The following MARCHF1 variants were observed in gnomAD, a reference collection of about 807,000 sequenced individuals.
The protein encoded by MARCHF1 is membrane associated ring-CH-type finger 1.
In MARCHF1, 40 loss-of-function variants were observed where a neutral mutation model predicts 54.2. That is an observed-to-expected ratio of 0.74 (90% CI 0.57 to 0.96). The LOEUF is 0.96. Ranked by LOEUF, MARCHF1 falls within the 40% of genes least tolerant of loss-of-function variation. MARCHF1 has a pLI of 0.00. For synonymous variants in MARCHF1, 236 were observed against 236.3 expected (o/e 1.00, Z 0.01); for missense variants, 586 against 656.5 (o/e 0.89, Z 1.17).
At chr4:164,096,878 G>A (rs373024883) in intron 2 of MARCHF1, among the ~76,000 whole-genome samples, 1 of 152,078 alleles carries the variant, frequency 6.6e-6, no homozygotes, top group African/African-American at 2.4e-5. Flanking sequence ...AGTGACTGAT[G>A]CTCAGAAGCT....
At chr4:163,723,202 C>G (rs1238194190) in intron 4 of MARCHF1, among the ~76,000 whole-genome samples, 55 of 152,220 alleles carry the variant, frequency 3.6e-4, no homozygotes, top group Non-Finnish European at 1.5e-5. Context: ...TTCAGGAGCT[C>G]TTTTAGGGCA....
At chr4:163,974,667 A>G (rs986241064) in intron 3 of MARCHF1, among the ~76,000 whole-genome samples, 4 of 152,220 alleles carry the variant, frequency 2.6e-5, no homozygotes, top group Admixed American at 6.5e-5. Context: ...TAATAGATAT[A>G]TGGTACCTGA....
chr4:164,199,861 G>A (rs893375531), intron 1 of MARCHF1, among the ~76,000 whole-genome samples: 1 of 152,108 alleles, frequency 6.6e-6, no homozygotes, highest in Non-Finnish European at 1.5e-5. Context: ...CTGTGCCCTT[G>A]AACCTGCATA....
chr4:163,630,864 TGA>T (rs1742051347), intron 5 of MARCHF1, among the ~76,000 whole-genome samples: 1 of 150,506 alleles, frequency 6.6e-6, no homozygotes, highest in Non-Finnish European at 1.5e-5. Flanking sequence ...AGAAAAAAGC[TGA>T]GAGAATGCCA....
intron 2 of MARCHF1, among the ~76,000 whole-genome samples, chr4:164,083,288 G>GT (rs1373946042): frequency 1.1e-4 from 16 of 144,694 alleles, no homozygotes; most frequent in Admixed American, 2.7e-4. Context: ...GTTACTGAAA[G>GT]GTTTTTTTTT....
intron 1 of MARCHF1, among the ~76,000 whole-genome samples, chr4:164,252,310 T>C (rs1156362415): frequency 6.6e-6 from 1 of 151,898 alleles, no homozygotes; most frequent in Non-Finnish European, 1.5e-5. Context: ...TGTAACTATA[T>C]GTCTCTCTCC....
intron 2 of MARCHF1, among the ~76,000 whole-genome samples, chr4:164,058,877 T>C (rs1031859394): frequency 2.6e-5 from 4 of 152,252 alleles, no homozygotes; most frequent in Non-Finnish European, 5.9e-5. Context: ...CCTGTTGAAC[T>C]TCTTTGTTCC....
At chr4:163,733,247 GTA>G (rs1158466490) in intron 4 of MARCHF1, among the ~76,000 whole-genome samples, 12 of 17,312 alleles carry the variant, frequency 6.9e-4, no homozygotes, top group South Asian at 4.0e-3. Flanking sequence ...ATATACACGT[GTA>G]TATATATATA....
intron 3 of MARCHF1, among the ~76,000 whole-genome samples, chr4:163,881,197 G>T (rs537761953): frequency 6.6e-6 from 1 of 152,138 alleles, no homozygotes; most frequent in Non-Finnish European, 1.5e-5. Context: ...CAACAAGGCC[G>T]GGCATGGTGG....
intron 1 of MARCHF1, among the ~76,000 whole-genome samples, chr4:164,261,083 T>C (rs1444645902): frequency 2.6e-5 from 4 of 151,984 alleles, no homozygotes; most frequent in South Asian, 4.1e-4. Context: ...CATATGAGAA[T>C]TGACACTGTG....
chr4:163,965,682 C>T (rs984418122), intron 3 of MARCHF1, among the ~76,000 whole-genome samples: 1 of 152,052 alleles, frequency 6.6e-6, no homozygotes, highest in African/African-American at 2.4e-5. Flanking sequence ...TTTATATCTG[C>T]ACTGTCTGAG....
chr4:164,296,406 T>C (rs1429827675), intron 1 of MARCHF1, among the ~76,000 whole-genome samples: 1 of 152,212 alleles, frequency 6.6e-6, no homozygotes, highest in Non-Finnish European at 1.5e-5. Context: ...CGAGTCTCGC[T>C]CTGTCACCCA....
chr4:164,271,740 G>A (rs1733750144), intron 1 of MARCHF1, among the ~76,000 whole-genome samples: 1 of 152,062 alleles, frequency 6.6e-6, no homozygotes, highest in African/African-American at 2.4e-5. Context: ...AAAAATAAAT[G>A]AGAATTTTTG....
At chr4:164,014,609 T>TA (rs1352115276) in intron 2 of MARCHF1, among the ~76,000 whole-genome samples, 2 of 151,848 alleles carry the variant, frequency 1.3e-5, no homozygotes, top group Non-Finnish European at 1.5e-5. Context: ...GTGGAATCAA[T>TA]AAAAAACAAG....
chr4:164,270,612 T>C (rs185774995), intron 1 of MARCHF1, among the ~76,000 whole-genome samples: 12 of 152,276 alleles, frequency 7.9e-5, no homozygotes, highest in Admixed American at 5.2e-4. Context: ...GTTAGAGCAA[T>C]CTACAAATGT....
chr4:163,756,611 G>A (rs1456662994), intron 4 of MARCHF1, among the ~76,000 whole-genome samples: 1 of 114,900 alleles, frequency 8.7e-6, no homozygotes, highest in East Asian at 3.0e-4. Flanking sequence ...CAGCCTGGGC[G>A]ACAGAGCGAG....
chr4:163,582,708 C>T (rs1740269843), intron 8 of MARCHF1, among the ~76,000 whole-genome samples: 1 of 151,996 alleles, frequency 6.6e-6, no homozygotes, highest in African/African-American at 2.4e-5. Flanking sequence ...ATTGGATGTA[C>T]TTCAAATATA....
chr4:164,372,300 G>A (rs557998072), intron 1 of MARCHF1, among the ~76,000 whole-genome samples: 18 of 152,138 alleles, frequency 1.2e-4, no homozygotes, highest in Admixed American at 5.9e-4. Flanking sequence ...ATTGCTGATC[G>A]CCTCCAGAAA....
At chr4:163,666,026 G>T (rs1743520460) in intron 5 of MARCHF1, among the ~76,000 whole-genome samples, 1 of 152,058 alleles carries the variant, frequency 6.6e-6, no homozygotes, top group South Asian at 2.1e-4. Context: ...TTCTCCTGTG[G>T]GAAGTTGAAA....
Sources: gnomAD v4.1 joint callset for allele counts (sites outside exome capture counted in the v4.1 genomes callset) on GRCh38, gnomAD v4.1.1 for gene constraint, MANE v1.5 for transcripts, NCBI Gene and HGNC (gene_info 2026-07-23, HGNC 2026-07-21) for gene names.